The following PTPRT variants were observed in gnomAD, a reference collection of about 807,000 sequenced individuals.
PTPRT encodes receptor-type tyrosine-protein phosphatase T.
A neutral mutation model predicts 176.8 loss-of-function variants in PTPRT; 56 were observed. That is an observed-to-expected ratio of 0.32 (90% confidence interval 0.26 to 0.40). The LOEUF is 0.40. Ranked by LOEUF, PTPRT falls within the 10% of genes least tolerant of loss-of-function variation. PTPRT has a pLI of 1.00. For synonymous variants in PTPRT, 783 were observed against 739.0 expected, an observed-to-expected ratio of 1.06 and a Z score of -0.96; for missense variants, 1,540 against 1,908.2, an observed-to-expected ratio of 0.81 and a Z score of 3.60.
intron 7 of PTPRT, among the ~76,000 whole-genome samples, chr20:42,648,838 T>TTTTTTTTTTTTTTTTTTTTTTG (rs2074972073): frequency 9.6e-6 from 1 of 104,678 alleles, no homozygotes; most frequent in African/African-American, 3.4e-5. Context: ...TTTTTTTTTT[T>TTTTTTTTTTTTTTTTTTTTTTG]GACAGAGTCT....
intron 7 of PTPRT, among the ~76,000 whole-genome samples, chr20:42,592,580 T>C (rs2145762292): frequency 6.6e-6 from 1 of 152,254 alleles, no homozygotes; most frequent in South Asian, 2.1e-4. Context: ...TGGGAGGCAT[T>C]AAATGGATCA....
At chr20:42,526,726 T>C (rs2072273956) in intron 7 of PTPRT, among the ~76,000 whole-genome samples, 1 of 152,128 alleles carries the variant, frequency 6.6e-6, no homozygotes, top group African/African-American at 2.4e-5. Flanking sequence ...TACCAATCTC[T>C]GATTGAGTTG....
chr20:43,079,849 C>T (rs6030635), intron 1 of PTPRT, among the ~76,000 whole-genome samples: 91,643 of 151,986 alleles, frequency 0.6, 28,049 homozygotes, highest in East Asian at 0.75. Context: ...AACTTTCTAT[C>T]TGCTTTAATG....
intron 4 of PTPRT, among the ~76,000 whole-genome samples, chr20:42,776,278 G>T (rs1432606188): frequency 6.6e-6 from 1 of 152,106 alleles, no homozygotes. Context: ...GTCTCCCCCA[G>T]ATTTATCTTT....
chr20:43,150,752 C>T (rs139405612), intron 1 of PTPRT, among the ~76,000 whole-genome samples: 57 of 151,848 alleles, frequency 3.8e-4, no homozygotes, highest in East Asian at 3.9e-4. Context: ...CCACTGTGTC[C>T]GGCCTTCCAC....
chr20:43,181,938 A>C (rs1171031865), intron 1 of PTPRT, among the ~76,000 whole-genome samples: 4 of 152,196 alleles, frequency 2.6e-5, no homozygotes, highest in Non-Finnish European at 5.9e-5. Flanking sequence ...CCAATAGCCA[A>C]ACTGATCACT....
chr20:42,692,846 G>C (rs1380985897), intron 6 of PTPRT, among the ~76,000 whole-genome samples: 1 of 152,086 alleles, frequency 6.6e-6, no homozygotes, highest in Admixed American at 6.6e-5. Flanking sequence ...AATTTAAAAA[G>C]TGCCATTTAC....
intron 15 of PTPRT, among the ~76,000 whole-genome samples, chr20:42,233,249 G>A (rs1276808513): frequency 6.6e-6 from 1 of 152,102 alleles, no homozygotes; most frequent in Non-Finnish European, 1.5e-5. Flanking sequence ...GCATTTCTAA[G>A]TTCCCATGGG....
At chr20:42,349,166 T>C (rs1368924219) in intron 11 of PTPRT, among the ~76,000 whole-genome samples, 1 of 152,170 alleles carries the variant, frequency 6.6e-6, no homozygotes, top group Non-Finnish European at 1.5e-5. Flanking sequence ...TAGCCTCCAG[T>C]GACACAAGGA....
chr20:42,129,894 G>A (rs1988045988), intron 18 of PTPRT, among the ~76,000 whole-genome samples: 1 of 152,204 alleles, frequency 6.6e-6, no homozygotes, highest in Non-Finnish European at 1.5e-5. Flanking sequence ...ACCTTTAAAA[G>A]GTCCTGACAT....
chr20:42,434,312 C>T (rs2059242275), intron 9 of PTPRT, among the ~76,000 whole-genome samples: 1 of 149,628 alleles, frequency 6.7e-6, no homozygotes, highest in African/African-American at 2.5e-5. Flanking sequence ...AACCTTGACT[C>T]AAGTTTGGAA....
At chr20:43,148,682 G>A (rs549487571) in intron 1 of PTPRT, among the ~76,000 whole-genome samples, 80 of 152,166 alleles carry the variant, frequency 5.3e-4, no homozygotes, top group Middle Eastern at 3.2e-3. Context: ...TTTTTATAGA[G>A]GGAGTAAAGA....
chr20:42,073,311 C>T lies in PTPRT; in HGVS notation c.*7568G>A. 5.3e-6 allele frequency: 1 copy of T among 189,122 alleles called. No homozygotes were observed. Among genetic ancestry groups the T allele is most frequent in the Non-Finnish European group, 1.1e-5 (1 of 89,620 alleles). The allele number at this position is 189,122 out of a possible 1,614,324, so 11.7% of individuals were successfully genotyped here. Reference sequence around the variant, plus strand: ...TGAAAAGTGCTTTTGAGTATGATTACCAATATGGGTTAACCCGGATTTACA... The same window carrying T: ...TGAAAAGTGCTTTTGAGTATGATTATCAATATGGGTTAACCCGGATTTACA... On this transcript the variant is annotated 3_prime_UTR_variant, in exon 31 of 31. Coordinates refer to ENST00000373187, the MANE Select transcript of PTPRT (RefSeq NM_007050.6).
At chr20:42,956,457 G>A (rs1460108605) in intron 1 of PTPRT, among the ~76,000 whole-genome samples, 1 of 144,154 alleles carries the variant, frequency 6.9e-6, no homozygotes, top group African/African-American at 2.8e-5. Context: ...CTAGCCGTGT[G>A]AGACACCTGC....
intron 1 of PTPRT, among the ~76,000 whole-genome samples, chr20:42,922,616 A>G (rs113106688): frequency 0.01 from 1,561 of 152,056 alleles, 16 homozygotes; most frequent in Non-Finnish European, 0.015. Context: ...TGCCCACACC[A>G]CTAACAGTTA....
chr20:42,754,467 C>T (rs534441326), intron 6 of PTPRT, among the ~76,000 whole-genome samples: 73 of 151,988 alleles, frequency 4.8e-4, no homozygotes, highest in Admixed American at 1.8e-3. Context: ...TTAGTAGAGA[C>T]GGGGTTTCAC....
intron 3 of PTPRT, 23 bp from the exon 4 acceptor site, chr20:42,780,322 C>A: frequency 6.3e-7 from 1 of 1,590,834 alleles, no homozygotes. Flanking sequence ...GGGCGGGAGT[C>A]AATTTCACAG....
At chr20:42,263,527 C>T (rs565939302) in intron 13 of PTPRT, among the ~76,000 whole-genome samples, 2 of 151,556 alleles carry the variant, frequency 1.3e-5, no homozygotes, top group Admixed American at 6.6e-5. Flanking sequence ...ATTACAGGTG[C>T]GTGCCACCAC....
chr20:42,164,924 G>A (rs1447846708), intron 16 of PTPRT, among the ~76,000 whole-genome samples: 1 of 152,092 alleles, frequency 6.6e-6, no homozygotes, highest in Non-Finnish European at 1.5e-5. Context: ...TGATTTATGG[G>A]TTTGGTATGT....
Sources: gnomAD v4.1 joint callset for allele counts (sites outside exome capture counted in the v4.1 genomes callset) on GRCh38, gnomAD v4.1.1 for gene constraint, MANE v1.5 for transcripts, NCBI Gene and HGNC (gene_info 2026-07-23, HGNC 2026-07-21) for gene names.